ZFAT: variants seen among roughly 807,000 people sequenced by gnomAD.
The protein encoded by ZFAT is zinc finger and AT-hook domain containing.
In ZFAT, 64 loss-of-function variants were observed where a neutral mutation model predicts 117.7. The ratio of observed to expected loss-of-function variants is 0.54; its 90% CI spans 0.44 to 0.67. The LOEUF is 0.67. ZFAT is among the 30% of genes least tolerant of loss of function. The probability of loss-of-function intolerance (pLI) is 0.00; values close to 1 mark genes in which losing one functional copy is unlikely to be tolerated. For missense variants in ZFAT, 1,433 were observed against 1,584.5 expected (o/e 0.90, Z 1.62); for synonymous variants, 679 against 615.0 (o/e 1.10, Z -1.54).
chr8:134,661,356 G>A (rs1831917824), intron 1 of ZFAT, among the ~76,000 whole-genome samples: 1 of 152,202 alleles, frequency 6.6e-6, no homozygotes, highest in Non-Finnish European at 1.5e-5. Context: ...TCCTGAGAGA[G>A]CCAGCAGTCC....
At chr8:134,510,061 C>T (rs188412822) in intron 14 of ZFAT, 16 of 471,112 alleles carry the variant, frequency 3.4e-5, no homozygotes, top group South Asian at 1.4e-4. Context: ...CTTGAACCCA[C>T]GTGCTCTGAG....
chr8:134,523,640 C>A (rs1241316438), intron 12 of ZFAT, among the ~76,000 whole-genome samples: 1 of 152,230 alleles, frequency 6.6e-6, no homozygotes, highest in African/African-American at 2.4e-5. Flanking sequence ...ACAATAAAAT[C>A]CTGACTCCTC....
chr8:134,484,071 A>T (rs1304856956), intron 15 of ZFAT, among the ~76,000 whole-genome samples: 1 of 152,132 alleles, frequency 6.6e-6, no homozygotes, highest in Non-Finnish European at 1.5e-5. Flanking sequence ...CCAACATTTA[A>T]GAAAATCCCA....
chr8:134,774,153 G>A, the ZFAT span, among the ~76,000 whole-genome samples: 3 of 151,680 alleles, frequency 2.0e-5, no homozygotes, highest in South Asian at 2.1e-4. Flanking sequence ...ACACCACCAC[G>A]CTCGGCTAAT....
rs776752092 is a variant in ZFAT at position 134,565,338 on chromosome 8, A to T, written c.2971T>A (p.Phe991Ile). 6.2e-7 allele frequency: 1 copy of T among 1,613,628 alleles called. No homozygotes were observed. Among genetic ancestry groups the T allele is most frequent in the Admixed American group, 1.7e-5 (1 of 59,934 alleles). Residue 991 changes from phenylalanine to isoleucine, a missense_variant, in exon 11 of 16, where the codon TTC becomes ATC. Phe to Ile is a conservative substitution (Grantham distance 21). This residue lies in a region of ZFAT where 503 missense variants were observed against 543.4 expected (regional missense o/e 0.93). Transcript: ENST00000377838. ...CTTCTCCAGAGCCCTCTTACCTTGA[A>T]GGAGACATGCTGTTCCATGTGCCGC... is the stretch of plus-strand genomic sequence containing the variant. ...LLRHMEQHVS[F>I]KPFRCAHCHY...
intron 15 of ZFAT, among the ~76,000 whole-genome samples, chr8:134,499,177 G>C (rs1482491123): frequency 2.2e-5 from 3 of 136,834 alleles, no homozygotes; most frequent in Non-Finnish European, 3.2e-5. Flanking sequence ...CCTGCTGCTG[G>C]TTACACACAG....
the ZFAT span, chr8:134,792,247 TA>T: frequency 6.6e-6 from 1 of 152,234 alleles, no homozygotes; most frequent in Non-Finnish European, 1.5e-5. Flanking sequence ...TAATTTTCTC[TA>T]ACCTTCTACC....
the ZFAT span, chr8:134,800,633 T>G: frequency 0.12 from 58,905 of 481,714 alleles, 4,342 homozygotes; most frequent in East Asian, 0.25. Context: ...AACTCTTTAC[T>G]AAGTTTGTAC....
chr8:134,618,833 T>C (rs1586828407), intron 3 of ZFAT, among the ~76,000 whole-genome samples: 2 of 152,226 alleles, frequency 1.3e-5, no homozygotes, highest in South Asian at 4.1e-4. Context: ...CAGATACTTA[T>C]GGAGTAGTCA....
chr8:134,799,824 T>A, the ZFAT span, among the ~76,000 whole-genome samples: 1 of 152,216 alleles, frequency 6.6e-6, no homozygotes, highest in Non-Finnish European at 1.5e-5. Context: ...ACAAGTTATG[T>A]CTGCTTTAAG....
At chr8:134,794,955 T>A in the ZFAT span, 1 of 152,206 alleles carries the variant, frequency 6.6e-6, no homozygotes. Context: ...CTAGTCCTCC[T>A]AACAACCTGA....
intron 15 of ZFAT, among the ~76,000 whole-genome samples, chr8:134,493,113 C>T (rs1348610647): frequency 6.6e-6 from 1 of 152,196 alleles, no homozygotes; most frequent in African/African-American, 2.4e-5. Context: ...GGTATCAATC[C>T]CATGCACAGT....
intron 1 of ZFAT, among the ~76,000 whole-genome samples, chr8:134,698,242 C>T (rs1280538878): frequency 6.6e-6 from 1 of 150,524 alleles, no homozygotes; most frequent in African/African-American, 2.4e-5. Flanking sequence ...AGAAGAATTG[C>T]TTGAACCCAG....
intron 11 of ZFAT, among the ~76,000 whole-genome samples, chr8:134,536,406 C>A (rs1290334169): frequency 1.3e-5 from 2 of 152,192 alleles, no homozygotes; most frequent in Non-Finnish European, 2.9e-5. Flanking sequence ...ATCTCCCAGA[C>A]TCTTTCCTTC....
intron 2 of ZFAT, among the ~76,000 whole-genome samples, chr8:134,649,401 T>C (rs182994648): frequency 9.6e-4 from 146 of 152,300 alleles, no homozygotes; most frequent in African/African-American, 3.3e-3. Flanking sequence ...CAAGATTATA[T>C]GTAAAGACTC....
At chr8:134,788,090 A>G in the ZFAT span, among the ~76,000 whole-genome samples, 3 of 152,176 alleles carry the variant, frequency 2.0e-5, no homozygotes, top group Non-Finnish European at 2.9e-5. Context: ...GTTAAACAGT[A>G]GAGGTTATTA....
At chr8:134,756,067 T>TAA in the ZFAT span, among the ~76,000 whole-genome samples, 1 of 150,972 alleles carries the variant, frequency 6.6e-6, no homozygotes, top group East Asian at 2.0e-4. Context: ...AGTTTCCTCC[T>TAA]TCCTGTAGGG....
chr8:134,667,987 T>C (rs1832324754), intron 1 of ZFAT, among the ~76,000 whole-genome samples: 1 of 152,126 alleles, frequency 6.6e-6, no homozygotes, highest in Non-Finnish European at 1.5e-5. Flanking sequence ...GTGGGTCCCA[T>C]GCCCACAGAG....
chr8:134,642,010 C>T (rs758204503), intron 2 of ZFAT, among the ~76,000 whole-genome samples: 9 of 152,316 alleles, frequency 5.9e-5, no homozygotes, highest in Admixed American at 1.3e-4. Context: ...TTTATTTGTG[C>T]ATCACTCAAG....
Sources: gnomAD v4.1 joint callset for allele counts (sites outside exome capture counted in the v4.1 genomes callset) on GRCh38, gnomAD v4.1.1 for gene constraint, gnomAD v4.1.1 regional missense constraint, MANE v1.5 for transcripts, NCBI Gene and HGNC (gene_info 2026-07-23, HGNC 2026-07-21) for gene names.